The following SPATA31E1 variants were observed in gnomAD, a reference collection of about 807,000 sequenced individuals.
SPATA31E1 encodes spermatogenesis-associated protein 31E1.
In SPATA31E1, 7 loss-of-function variants were observed where a neutral mutation model predicts 12.9. The observed-to-expected ratio is 0.54, with a 90% CI of 0.31 to 1.02. The LOEUF is 1.02. SPATA31E1 is among the 50% of genes least tolerant of loss of function. SPATA31E1 has a pLI of 0.05. For missense variants in SPATA31E1, 1,961 were observed against 1,799.8 expected (o/e 1.09, Z -1.62); for synonymous variants, 771 against 719.0 (o/e 1.07, Z -1.16).
Position 87,886,154 on chromosome 9 carries a change from C to T in SPATA31E1, c.1667C>T (p.Thr556Ile). ...GASYPTSQER[T>I]QSVIPTGKEY... ...TCTTACCCTACATCCCAGGAGAGGA[C>T]ACAGTCTGTCATCCCCACTGGAAAG... Residue 556 changes from threonine (T) to isoleucine (I), a missense_variant, in exon 4 of 4, where the codon ACA (threonine) becomes ATA (isoleucine). Thr to Ile is a moderately conservative substitution (Grantham distance 89, BLOSUM62 -1). Coordinates refer to ENST00000325643, the MANE Select transcript of SPATA31E1 (RefSeq NM_178828.5). 6.2e-7 allele frequency: 1 copy of T among 1,603,902 alleles called. No individual in the cohort carries two copies. Among genetic ancestry groups the T allele is most frequent in the Non-Finnish European group, 8.5e-7 (1 of 1,173,662 alleles).
intron 2 of SPATA31E1, 126 bp from the exon 3 acceptor site, chr9:87,884,465 C>A: frequency 1.0e-6 from 1 of 967,244 alleles, no homozygotes; most frequent in South Asian, 1.4e-5. Flanking sequence ...CATGTGGCCT[C>A]GGACACAGAT....
Position 87,885,935 on chromosome 9 carries a change from A to C in SPATA31E1, c.1448A>C (p.Glu483Ala), listed in dbSNP as rs758104774. The stretch of plus-strand genomic sequence containing the variant: ...TCCACTTCTCTTCCAGGTGAACCTG[A>C]GGTTGAGGCATCCTCACAGCTTTCC... ...KASTSLPGEP[E>A]VEASSQLSQA... The change falls in exon 4 of 4, where the codon GAG (glutamate) becomes GCG (alanine). Residue 483 changes from glutamate to alanine, a missense_variant. Glu to Ala is a moderately radical substitution (Grantham distance 107). Transcript: ENST00000325643. 1.2e-6 allele frequency: 2 copies of C among 1,613,752 alleles called. No individual in the cohort carries two copies. The highest frequency in any genetic ancestry group is 1.7e-6 in the Non-Finnish European group (2 of 1,180,000).
chr9:87,887,036 C>A lies in SPATA31E1; in HGVS notation c.2549C>A (p.Thr850Lys). The change falls in exon 4 of 4, where the codon ACA (threonine) becomes AAA (lysine). Residue 850 changes from threonine (T) to lysine (K), a missense_variant. Thr to Lys is a moderately conservative substitution (Grantham distance 78). Coordinates refer to ENST00000325643, the MANE Select transcript of SPATA31E1 (RefSeq NM_178828.5). Reference sequence around the variant, plus strand: ...TTCTGTGTGAGGCACAGCTGGGGTACAGACCTCCAGTCCCTGGAGCCCATA... The same window carrying A: ...TTCTGTGTGAGGCACAGCTGGGGTAAAGACCTCCAGTCCCTGGAGCCCATA... The part of the protein sequence containing the change: ...VRFCVRHSWG[T>K]DLQSLEPINV... 6.2e-7 allele frequency: 1 copy of A among 1,614,106 alleles called. No homozygotes were observed. Among genetic ancestry groups the A allele is most frequent in the East Asian group, 2.2e-5 (1 of 44,868 alleles).
In SPATA31E1 at chr9:87,887,450, G is replaced by T; in HGVS notation, c.2963G>T (p.Gly988Val). ...ESGKPKPRLE[G>V]SMGSEMAGNE... ...GGGAAACCCAAACCCAGACTAGAGG[G>T]GAGTATGGGTTCAGAAATGGCTGGG... Residue 988 changes from glycine (G) to valine (V), a missense_variant, in exon 4 of 4, where the codon GGG (glycine) becomes GTG (valine). By Grantham distance (109) the Gly-to-Val change is moderately radical. Coordinates refer to ENST00000325643, the MANE Select transcript of SPATA31E1 (RefSeq NM_178828.5). 6.2e-7 allele frequency: 1 copy of T among 1,613,928 alleles called. No individual in the cohort carries two copies. The highest frequency in any genetic ancestry group is 8.5e-7 in the Non-Finnish European group (1 of 1,180,038).
Position 87,888,134 on chromosome 9 carries a change from G to C in SPATA31E1, c.3647G>C (p.Gly1216Ala), listed in dbSNP as rs1453405648. The C allele has an allele frequency of 1.2e-6, 2 of 1,609,242 alleles. No individual in the cohort carries two copies. The highest frequency in any genetic ancestry group is 1.7e-6 in the Non-Finnish European group (2 of 1,177,854). Residue 1216 changes from glycine to alanine, a missense_variant, in exon 4 of 4, where the codon GGA (glycine) becomes GCA (alanine). Coordinates refer to ENST00000325643, the MANE Select transcript of SPATA31E1 (RefSeq NM_178828.5). The stretch of plus-strand genomic sequence containing the variant: ...AGGAGGCCCAGAACAGGGGAGCAGG[G>C]ACACAGGTCCAAGGGACCCAGGACC... ...AHRRPRTGEQGHRSKGPRTSE... is the reference protein window; with the variant it reads ...AHRRPRTGEQAHRSKGPRTSE...
Position 87,887,419 on chromosome 9 carries a change from G to A in SPATA31E1, c.2932G>A (p.Glu978Lys), listed in dbSNP as rs775192468. Residue 978 changes from glutamate to lysine, a missense_variant, in exon 4 of 4, where the codon GAA (glutamate) becomes AAA (lysine). Transcript: ENST00000325643. ...AACCTGGCAGAGCAGGACTGTCCTG[G>A]AATCCGGGAAACCCAAACCCAGACT... ...GRTWQSRTVLESGKPKPRLEG... is the reference protein window; with the variant it reads ...GRTWQSRTVLKSGKPKPRLEG... 3 of 1,613,838 alleles carry A rather than the reference G, an allele frequency of 1.9e-6. No individual in the cohort carries two copies. Among genetic ancestry groups the A allele is most frequent in the Non-Finnish European group, 2.5e-6 (3 of 1,180,032 alleles).
At position 87,885,107 on chromosome 9, in the gene SPATA31E1, T is replaced by G; in HGVS notation, c.620T>G (p.Met207Arg). The stretch of plus-strand genomic sequence containing the variant: ...GCCTCCACCCTGTCACCAGGCCCGA[T>G]GACCTTCTCAGAGCCTTTTGGACCA... The part of the protein sequence containing the change: ...PLASTLSPGP[M>R]TFSEPFGPHS... The change falls in exon 4 of 4, where the codon ATG becomes AGG. Residue 207 changes from methionine to arginine, a missense_variant. Physicochemically the swap from Met to Arg is moderately conservative, Grantham distance 91 (BLOSUM62 -1). Coordinates refer to ENST00000325643, the MANE Select transcript of SPATA31E1 (RefSeq NM_178828.5). 6.2e-7 allele frequency: 1 copy of G among 1,614,160 alleles called. No individual in the cohort carries two copies. Among genetic ancestry groups the G allele is most frequent in the Non-Finnish European group, 8.5e-7 (1 of 1,180,018 alleles).
chr9:87,882,997 G>A lies in SPATA31E1; in HGVS notation c.106G>A (p.Asp36Asn). 6.2e-7 allele frequency: 1 copy of A among 1,613,530 alleles called. No homozygotes were observed. Among genetic ancestry groups the A allele is most frequent in the South Asian group, 1.1e-5 (1 of 91,050 alleles). Residue 36 changes from aspartate (D) to asparagine (N), a missense_variant, in exon 1 of 4, where the codon GAC (aspartate) becomes AAC (asparagine). Coordinates refer to ENST00000325643, the MANE Select transcript of SPATA31E1 (RefSeq NM_178828.5). ...APRPSVECTG[D>N]DIALQMEKML... is the part of the protein sequence containing the mutation. ...CAGACCATCTGTGGAGTGCACAGGA[G>A]ACGACATTGCACTTCAGATGGAGAA...
chr9:87,886,535 T>G lies in SPATA31E1; in HGVS notation c.2048T>G (p.Phe683Cys), dbSNP rs199591159. ...QALLPSQPSD[F>C]AGKGRKDVQK... ...CTCTTGCCCTCCCAGCCTTCTGACT[T>G]TGCAGGGAAGGGCAGGAAGGATGTG... The change falls in exon 4 of 4, where the codon TTT becomes TGT. Residue 683 changes from phenylalanine to cysteine, a missense_variant. Coordinates refer to ENST00000325643, the MANE Select transcript of SPATA31E1 (RefSeq NM_178828.5). 7 of 1,613,950 alleles carry G rather than the reference T, an allele frequency of 4.3e-6. No homozygotes were observed. In the African/African-American group the frequency reaches 6.7e-5, roughly 15 times the overall value.
Position 87,886,136 on chromosome 9 carries a change from C to A in SPATA31E1, c.1649C>A (p.Pro550His). 2 of 1,603,238 alleles carry A rather than the reference C, an allele frequency of 1.2e-6. No homozygotes were observed. Among genetic ancestry groups the A allele is most frequent in the South Asian group, 2.2e-5 (2 of 89,478 alleles). Residue 550 changes from proline to histidine, a missense_variant, in exon 4 of 4, where the codon CCT becomes CAT. Physicochemically the swap from Pro to His is moderately conservative, Grantham distance 77. Transcript: ENST00000325643. Reference protein sequence around the residue: ...PQIRGCGASYPTSQERTQSVI... With the variant: ...PQIRGCGASYHTSQERTQSVI... ...ATTAGGGGCTGTGGGGCATCTTACC[C>A]TACATCCCAGGAGAGGACACAGTCT...
rs372694780 is a variant in SPATA31E1, at chr9:87,887,837, C to T, written c.3350C>T (p.Pro1117Leu). ...GAGGAGCAGCTGCCAGGCCGTGCCC[C>T]GGGCATCCTCCTCCAGGACGGCGCC... ...DSEEQLPGRA[P>L]GILLQDGATG... The change falls in exon 4 of 4, where the codon CCG becomes CTG. Residue 1117 changes from proline (P) to leucine (L), a missense_variant. Coordinates refer to ENST00000325643, the MANE Select transcript of SPATA31E1 (RefSeq NM_178828.5). 39 of 1,613,760 alleles carry T rather than the reference C, an allele frequency of 2.4e-5. No homozygotes were observed. The highest frequency in any genetic ancestry group is 1.6e-4 in the Middle Eastern group (1 of 6,078).
chr9:87,884,345 T>G (rs1293702979), intron 2 of SPATA31E1, among the ~76,000 whole-genome samples: 1 of 152,192 alleles, frequency 6.6e-6, no homozygotes, highest in African/African-American at 2.4e-5. Flanking sequence ...GACCACCCAT[T>G]TGCTCTCCCA....
At position 87,888,090 on chromosome 9, in the gene SPATA31E1, G is replaced by C. The variant is rs369658333; in HGVS notation, c.3603G>C (p.Ala1201=). 35 of 1,601,604 alleles carry C rather than the reference G, an allele frequency of 2.2e-5. No individual in the cohort carries two copies. The highest frequency in any genetic ancestry group is 2.8e-5 in the Non-Finnish European group (33 of 1,173,944). ...AGAGTCAGAAGACGCTGGGCTGTGC[G>C]GACAAGGGCGAGGCCCACAGGAGGC... ...PQKSQKTLGC[A]DKGEAHRRPR... Residue 1201 remains alanine (A), a synonymous_variant, in exon 4 of 4, where the codon GCG becomes GCC. Transcript: ENST00000325643.
rs761764008 is a variant in SPATA31E1, at chr9:87,888,854, G to A, written c.*29G>A. Reference sequence around the variant, plus strand: ...AGACCAGTCTTCTTGCATGTCTCCTGGGGGAGACAGGGGGTTCTACTCAAA... The same window carrying A: ...AGACCAGTCTTCTTGCATGTCTCCTAGGGGAGACAGGGGGTTCTACTCAAA... On this transcript the variant is annotated 3_prime_UTR_variant, in exon 4 of 4. Coordinates refer to ENST00000325643, the MANE Select transcript of SPATA31E1 (RefSeq NM_178828.5). 14 of 1,531,456 alleles carry A rather than the reference G, an allele frequency of 9.1e-6. No homozygotes were observed. The highest frequency in any genetic ancestry group is 2.0e-5 in the Admixed American group (1 of 51,244). The allele number at this position is 1,531,456 out of a possible 1,614,324, so 94.9% of individuals were successfully genotyped here.
At chr9:87,884,483 C>T in intron 2 of SPATA31E1, 108 bp from the exon 3 acceptor site, 1 of 1,157,700 alleles carries the variant, frequency 8.6e-7, no homozygotes, top group Non-Finnish European at 1.3e-6. Flanking sequence ...GATGCGAGGG[C>T]TTCAGGGTCT....
In SPATA31E1 at chr9:87,884,901, T is replaced by C. The variant is rs1323386902; in HGVS notation, c.426-12T>C. 3 of 1,595,694 alleles carry C rather than the reference T, an allele frequency of 1.9e-6. No individual in the cohort carries two copies. The highest frequency in any genetic ancestry group is 2.6e-6 in the Non-Finnish European group (3 of 1,168,716). On this transcript the variant is annotated splice_polypyrimidine_tract_variant and intron_variant, in intron 3 of 3. Coordinates refer to ENST00000325643, the MANE Select transcript of SPATA31E1 (RefSeq NM_178828.5). ...ACCCCTGGCTGCAGCTTGTGCCTCTTGTCTCCTGCAGCCACCTGAGGAAGC... is the reference window on the plus strand; with the variant it reads ...ACCCCTGGCTGCAGCTTGTGCCTCTCGTCTCCTGCAGCCACCTGAGGAAGC...
rs1448424907 is a variant in SPATA31E1, at chr9:87,888,742, A to C, written c.4255A>C (p.Arg1419=). 1.9e-6 allele frequency: 3 copies of C among 1,613,582 alleles called. No individual in the cohort carries two copies. In the African/African-American group the frequency reaches 4.0e-5, roughly 22 times the overall value. Residue 1419 remains arginine (R), a synonymous_variant, in exon 4 of 4, where the codon AGG becomes CGG. Transcript: ENST00000325643. ...GTCCCCAGCTGGTCCCCACCACCAC[A>C]GGCCAAGAATGGCAAGCACCTCGGG... The part of the protein sequence containing the change: ...PVSPAGPHHH[R]PRMASTSGGP...
rs145620478 is a variant in SPATA31E1, at chr9:87,885,253, C to T, written c.766C>T (p.Pro256Ser). 2.5e-6 allele frequency: 4 copies of T among 1,614,006 alleles called. No individual in the cohort carries two copies. The African/African-American group carries it at 5.3e-5, about 22-fold the overall frequency. ...PQPHGPLASS[P>S]PPPDSSLAGL... The stretch of plus-strand genomic sequence containing the variant: ...GCCGCATGGTCCCCTGGCCTCCTCT[C>T]CACCTCCACCCGACTCCAGCCTGGC... Residue 256 changes from proline to serine, a missense_variant, in exon 4 of 4, where the codon CCA becomes TCA. Physicochemically the swap from Pro to Ser is moderately conservative, Grantham distance 74. Coordinates refer to ENST00000325643, the MANE Select transcript of SPATA31E1 (RefSeq NM_178828.5).
rs1480661168 is a variant in SPATA31E1 at position 87,885,799 on chromosome 9, C to A, written c.1312C>A (p.Gln438Lys). 2.5e-6 allele frequency: 4 copies of A among 1,613,874 alleles called. No individual in the cohort carries two copies. Among genetic ancestry groups the A allele is most frequent in the Non-Finnish European group, 2.5e-6 (3 of 1,180,046 alleles). ...VGNHLQQKRS[Q>K]LFWDLPSLNS... ...GAACCACTTACAGCAGAAACGCAGCCAGCTTTTCTGGGACCTCCCCTCTCT... is the reference window on the plus strand; with the variant it reads ...GAACCACTTACAGCAGAAACGCAGCAAGCTTTTCTGGGACCTCCCCTCTCT... The change falls in exon 4 of 4, where the codon CAG (glutamine) becomes AAG (lysine). Residue 438 changes from glutamine (Q) to lysine (K), a missense_variant. Transcript: ENST00000325643.
Sources: gnomAD v4.1 joint callset for allele counts (sites outside exome capture counted in the v4.1 genomes callset) on GRCh38, gnomAD v4.1.1 for gene constraint, MANE v1.5 for transcripts, NCBI Gene and HGNC (gene_info 2026-07-23, HGNC 2026-07-21) for gene names.